The following BANK1 variants were observed in gnomAD, a reference collection of about 807,000 sequenced individuals.
BANK1 encodes the protein B cell scaffold protein with ankyrin repeats 1, also known as B-cell scaffold protein with ankyrin repeats.
A neutral mutation model predicts 94.5 loss-of-function variants in BANK1; 95 were observed. The ratio of observed to expected loss-of-function variants is 1.00; its 90% CI spans 0.85 to 1.19. The LOEUF is 1.19. BANK1 is among the 50% of genes most tolerant of loss of function. BANK1 has a pLI of 0.00. For missense variants in BANK1, 987 were observed against 932.2 expected, an observed-to-expected ratio of 1.06 and a Z score of -0.77; for synonymous variants, 334 against 308.4, an observed-to-expected ratio of 1.08 and a Z score of -0.87.
chr4:101,873,228 A>T (rs1728363324), intron 5 of BANK1, among the ~76,000 whole-genome samples: 1 of 152,166 alleles, frequency 6.6e-6, no homozygotes, highest in Non-Finnish European at 1.5e-5. Context: ...ATATGTCAGA[A>T]TATATGCCAG....
chr4:101,792,849 C>CA (rs1341901762), intron 1 of BANK1, among the ~76,000 whole-genome samples: 1 of 152,048 alleles, frequency 6.6e-6, no homozygotes, highest in Admixed American at 6.5e-5. Context: ...ATAGAATACC[C>CA]AGTTCTCTAA....
chr4:101,938,556 T>G (rs558687354), intron 7 of BANK1, among the ~76,000 whole-genome samples: 2 of 151,774 alleles, frequency 1.3e-5, no homozygotes, highest in East Asian at 2.0e-4. Context: ...AAATATTTCA[T>G]GTACCCCTTA....
intron 7 of BANK1, among the ~76,000 whole-genome samples, chr4:101,970,304 G>A (rs1266189087): frequency 6.6e-6 from 1 of 152,134 alleles, no homozygotes; most frequent in Non-Finnish European, 1.5e-5. Context: ...TCAGAGTAAT[G>A]CAGACAATAA....
intron 7 of BANK1, among the ~76,000 whole-genome samples, chr4:101,982,127 A>G (rs2148927845): frequency 6.6e-6 from 1 of 152,184 alleles, no homozygotes; most frequent in South Asian, 2.1e-4. Context: ...GATCTCTTCT[A>G]AGCTTCCCTC....
intron 7 of BANK1, among the ~76,000 whole-genome samples, chr4:101,947,458 A>T (rs1723975001): frequency 6.6e-6 from 1 of 151,212 alleles, no homozygotes; most frequent in African/African-American, 2.4e-5. Flanking sequence ...TTAACTGAAG[A>T]ATACATCATT....
intron 6 of BANK1, among the ~76,000 whole-genome samples, chr4:101,906,022 C>A (rs1722436638): frequency 6.6e-6 from 1 of 152,206 alleles, no homozygotes; most frequent in Non-Finnish European, 1.5e-5. Flanking sequence ...AATTGTGCAT[C>A]TAAACCAGCC....
At chr4:102,023,351 A>G (rs1403433226) in intron 8 of BANK1, among the ~76,000 whole-genome samples, 1 of 152,232 alleles carries the variant, frequency 6.6e-6, no homozygotes, top group East Asian at 1.9e-4. Context: ...TATACATCTT[A>G]TCATTTAAAT....
intron 1 of BANK1, among the ~76,000 whole-genome samples, chr4:101,807,879 A>C (rs2148853014): frequency 6.6e-6 from 1 of 152,034 alleles, no homozygotes; most frequent in Admixed American, 6.5e-5. Flanking sequence ...TCAGGAGTTC[A>C]AGACCAGCCT....
intron 5 of BANK1, among the ~76,000 whole-genome samples, chr4:101,880,792 C>T (rs1306627786): frequency 6.6e-6 from 1 of 151,964 alleles, no homozygotes; most frequent in Non-Finnish European, 1.5e-5. Flanking sequence ...AACTCATTTT[C>T]GACAAAGGTG....
rs148590707 is a variant in BANK1, at chr4:102,025,260, G to A, written c.1345G>A (p.Gly449Arg). 6.8e-6 allele frequency: 11 copies of A among 1,614,040 alleles called. No homozygotes were observed. The Admixed American group carries it at 8.3e-5, about 12-fold the overall frequency. ...GAAGACATACGGGCAGAGTGCAGAT[G>A]GAGCTGAGGCAAATGAAATGGAAGG... ...SRKTYGQSAD[G>R]AEANEMEGEG... is the part of the protein sequence containing the mutation. Residue 449 changes from glycine to arginine, a missense_variant, in exon 9 of 17, where the codon GGA (glycine) becomes AGA (arginine). Gly to Arg is a moderately radical substitution (Grantham distance 125, BLOSUM62 -2). Transcript: ENST00000322953.
chr4:101,850,378 T>G (rs890074324), intron 2 of BANK1, among the ~76,000 whole-genome samples: 11 of 152,202 alleles, frequency 7.2e-5, no homozygotes, highest in African/African-American at 2.6e-4. Context: ...CCCAAGCAAT[T>G]CTCCTGTCTC....
intron 1 of BANK1, among the ~76,000 whole-genome samples, chr4:101,828,897 C>G (rs1478657081): frequency 1.3e-5 from 2 of 152,010 alleles, no homozygotes; most frequent in East Asian, 3.9e-4. Context: ...GAGTCTCACT[C>G]TGTTGCCCAG....
At chr4:101,801,956 T>A (rs1174598035) in intron 1 of BANK1, among the ~76,000 whole-genome samples, 1 of 152,246 alleles carries the variant, frequency 6.6e-6, no homozygotes, top group Non-Finnish European at 1.5e-5. Context: ...GCGTTCCTCT[T>A]GAAGTCCAGC....
chr4:101,918,208 T>A lies in BANK1; in HGVS notation c.1206+19T>A, dbSNP rs1722891575. The A allele has an allele frequency of 7.3e-7, 1 of 1,377,538 alleles. No homozygotes were observed. The highest frequency in any genetic ancestry group is 1.0e-6 in the Non-Finnish European group (1 of 993,184). 85.3% of individuals were successfully genotyped at this position (1,377,538 alleles called of 1,614,324 possible). ...CTTTTCAGTAAGTTTTTTTTTTAAATTATATCTCTGTATATTCTGTTTGAT... is the reference window on the plus strand; with the variant it reads ...CTTTTCAGTAAGTTTTTTTTTTAAAATATATCTCTGTATATTCTGTTTGAT... On this transcript the variant is annotated intron_variant, in intron 7 of 16. Transcript: ENST00000322953.
intron 5 of BANK1, among the ~76,000 whole-genome samples, chr4:101,873,036 C>A (rs1391354926): frequency 6.6e-6 from 1 of 151,676 alleles, no homozygotes; most frequent in Non-Finnish European, 1.5e-5. Flanking sequence ...AAAAAAAACC[C>A]AGCATTTTGT....
intron 11 of BANK1, among the ~76,000 whole-genome samples, chr4:102,044,990 C>T (rs865888848): frequency 0.013 from 1,958 of 148,424 alleles, 44 homozygotes; most frequent in African/African-American, 0.045. Flanking sequence ...GTTGCCTGTT[C>T]ACTCTGATGG....
At chr4:101,960,898 G>T (rs971256474) in intron 7 of BANK1, among the ~76,000 whole-genome samples, 2 of 152,086 alleles carry the variant, frequency 1.3e-5, no homozygotes, top group Admixed American at 1.3e-4. Flanking sequence ...CACCTCTCAG[G>T]TTCTCAATTT....
At chr4:102,042,578 G>A (rs559179273) in intron 10 of BANK1, among the ~76,000 whole-genome samples, 177 of 151,932 alleles carry the variant, frequency 1.2e-3, no homozygotes, top group Middle Eastern at 3.4e-3. Flanking sequence ...AAACGTCTCC[G>A]GGGTTAATCA....
chr4:101,799,952 A>T (rs1490656726), intron 1 of BANK1, among the ~76,000 whole-genome samples: 1 of 152,176 alleles, frequency 6.6e-6, no homozygotes, highest in South Asian at 2.1e-4. Context: ...CTATGCAGCC[A>T]TGAAAAGGAT....
Sources: allele counts gnomAD v4.1 joint callset (sites outside exome capture counted in the v4.1 genomes callset), GRCh38; gene constraint gnomAD v4.1.1; transcripts MANE v1.5; gene names NCBI Gene and HGNC (gene_info 2026-07-23, HGNC 2026-07-21).